YTHDC2: variants seen among roughly 807,000 people sequenced by gnomAD.
The protein encoded by YTHDC2 is YTH N6-methyladenosine RNA binding protein C2.
YTHDC2 carries 45 observed loss-of-function variants against 174.9 expected under a neutral mutation model. The observed-to-expected ratio is 0.26, with a 90% CI of 0.20 to 0.33. The LOEUF (loss-of-function observed/expected upper bound fraction) is 0.33, where lower values mean the gene tolerates loss of function less well. Ranked by LOEUF, YTHDC2 falls within the 10% of genes least tolerant of loss-of-function variation. The pLI is 1.00. For missense variants in YTHDC2, 1,650 were observed against 1,723.7 expected, an observed-to-expected ratio of 0.96 and a Z score of 0.76; for synonymous variants, 657 against 574.5, an observed-to-expected ratio of 1.14 and a Z score of -2.05.
At chr5:113,528,232 A>G (rs930369048) in intron 4 of YTHDC2, among the ~76,000 whole-genome samples, 4 of 152,184 alleles carry the variant, frequency 2.6e-5, no homozygotes, top group Non-Finnish European at 2.9e-5. Flanking sequence ...TCATTTTACT[A>G]GATATGAAAG....
At chr5:113,579,843 A>G in intron 24 of YTHDC2, 148 bp downstream of exon 24, 1 of 1,301,230 alleles carries the variant, frequency 7.7e-7, no homozygotes, top group Non-Finnish European at 9.8e-7. Flanking sequence ...GACCTCATTC[A>G]TTCTCTTCTG....
At chr5:113,515,849 G>A (rs568098492) in intron 2 of YTHDC2, among the ~76,000 whole-genome samples, 7 of 152,312 alleles carry the variant, frequency 4.6e-5, no homozygotes, top group Admixed American at 4.6e-4. Flanking sequence ...TATATGTGGG[G>A]AAACTAATGG....
chr5:113,534,558 G>A, intron 6 of YTHDC2, 151 bp downstream of exon 6: 1 of 477,692 alleles, frequency 2.1e-6, no homozygotes, highest in Non-Finnish European at 3.7e-6. Flanking sequence ...TTTTGAACAG[G>A]CTGTAATGAT....
chr5:113,538,720 C>T (rs1026536388), intron 7 of YTHDC2, among the ~76,000 whole-genome samples: 1 of 152,100 alleles, frequency 6.6e-6, no homozygotes, highest in African/African-American at 2.4e-5. Context: ...TATTTACCTT[C>T]ATATTCTGGA....
At chr5:113,545,033 G>T (rs1362934692) in intron 10 of YTHDC2, among the ~76,000 whole-genome samples, 1 of 152,014 alleles carries the variant, frequency 6.6e-6, no homozygotes, top group Non-Finnish European at 1.5e-5. Context: ...GAGATATTCT[G>T]TTTATTCATT....
chr5:113,518,728 TAA>T (rs1773659370), intron 2 of YTHDC2, among the ~76,000 whole-genome samples: 1 of 152,100 alleles, frequency 6.6e-6, no homozygotes, highest in Non-Finnish European at 1.5e-5. Context: ...GCTTTTTATA[TAA>T]GTTTTAAAAA....
At chr5:113,559,200 A>G (rs116754720) in intron 17 of YTHDC2, among the ~76,000 whole-genome samples, 1 of 152,136 alleles carries the variant, frequency 6.6e-6, no homozygotes, top group Non-Finnish European at 1.5e-5. Context: ...AGGGAAGTAT[A>G]AGGGGTCTTC....
intron 23 of YTHDC2, among the ~76,000 whole-genome samples, chr5:113,578,423 A>T (rs573916102): frequency 6.6e-6 from 1 of 152,054 alleles, no homozygotes; most frequent in African/African-American, 2.4e-5. Flanking sequence ...AAATTTGTTG[A>T]ATTTACTAAA....
intron 23 of YTHDC2, among the ~76,000 whole-genome samples, chr5:113,572,862 G>C (rs1363712725): frequency 2.0e-5 from 3 of 152,150 alleles, no homozygotes; most frequent in Admixed American, 2.0e-4. Context: ...TTGCATGTGA[G>C]ATGGGTCTTT....
Position 113,593,354 on chromosome 5 carries a change from C to T in YTHDC2, c.4264C>T (p.Pro1422Ser). Residue 1422 changes from proline (P) to serine (S), a missense_variant, in exon 29 of 30, where the codon CCC becomes TCC. This residue lies in a region of YTHDC2 where 913 missense variants were observed against 940.4 expected (regional missense o/e 0.97). Coordinates refer to ENST00000161863, the MANE Select transcript of YTHDC2 (RefSeq NM_022828.5). ...EQLLQLWERL[P>S]LGEKNTTD ...GTTGCTCCAGTTATGGGAACGTCTT[C>T]CCTTGGGAGAAAAAAACACAACTGA... The T allele has an allele frequency of 1.2e-6, 2 of 1,612,698 alleles. No homozygotes were observed. The highest frequency in any genetic ancestry group is 1.7e-6 in the Non-Finnish European group (2 of 1,179,076).
At chr5:113,547,366 C>G (rs1775949323) in intron 10 of YTHDC2, among the ~76,000 whole-genome samples, 1 of 152,136 alleles carries the variant, frequency 6.6e-6, no homozygotes, top group Non-Finnish European at 1.5e-5. Context: ...AAATACAAAG[C>G]AGAAACAACA....
rs768033177 is a variant in YTHDC2 at position 113,553,358 on chromosome 5, T to A, written c.1866T>A (p.Ala622=). The change falls in exon 13 of 30, where the codon GCT becomes GCA. Residue 622 remains alanine, a splice_region_variant and synonymous_variant. Coordinates refer to ENST00000161863, the MANE Select transcript of YTHDC2 (RefSeq NM_022828.5). ...LLYNICHSCD[A]GAVLIFLPGY... is the part of the protein sequence containing the mutation. ...ACAATATCTGCCATAGTTGTGATGCTGGTAAATACGTGTTGTCTAAAAGAA... is the reference window on the plus strand; with the variant it reads ...ACAATATCTGCCATAGTTGTGATGCAGGTAAATACGTGTTGTCTAAAAGAA... The A allele has an allele frequency of 1.3e-6, 2 of 1,595,310 alleles. No individual in the cohort carries two copies. The highest frequency in any genetic ancestry group is 2.3e-5 in the South Asian group (2 of 86,822).
Position 113,539,198 on chromosome 5 carries a change from AAG to A in YTHDC2, c.1210+19_1210+20del, listed in dbSNP as rs1418826887. On this transcript the variant is annotated intron_variant, in intron 8 of 29. Coordinates refer to ENST00000161863, the MANE Select transcript of YTHDC2 (RefSeq NM_022828.5). ...AACAGCAAGGTAAATTTTTTAATAA[AAG>A]AAATATAAAAGAAATTACTATTGAT... 2 of 1,125,028 alleles carry A rather than the reference AAG, an allele frequency of 1.8e-6. No individual in the cohort carries two copies. Among genetic ancestry groups the A allele is most frequent in the African/African-American group, 1.7e-5 (1 of 59,500 alleles). 69.7% of individuals were successfully genotyped at this position (1,125,028 alleles called of 1,614,324 possible). A position where few individuals can be genotyped will look rare whatever the true frequency, so the allele number is the denominator to read the frequency against.
intron 2 of YTHDC2, among the ~76,000 whole-genome samples, 158 bp downstream of exon 2, chr5:113,515,520 ACT>A (rs1561613625): frequency 6.6e-6 from 1 of 151,824 alleles, no homozygotes; most frequent in African/African-American, 2.4e-5. Context: ...ACCAAATTCA[ACT>A]CTTTCCTCTT....
At chr5:113,524,095 C>T (rs1774054648) in intron 2 of YTHDC2, among the ~76,000 whole-genome samples, 1 of 152,062 alleles carries the variant, frequency 6.6e-6, no homozygotes, top group Non-Finnish European at 1.5e-5. Flanking sequence ...TTGTGTTGGG[C>T]TCAGAGCCAT....
intron 6 of YTHDC2, among the ~76,000 whole-genome samples, chr5:113,535,152 C>G (rs1426407051): frequency 6.6e-6 from 1 of 152,082 alleles, no homozygotes; most frequent in Non-Finnish European, 1.5e-5. Context: ...ACTATGGATT[C>G]AAACAACTGC....
intron 7 of YTHDC2, among the ~76,000 whole-genome samples, chr5:113,538,490 C>A (rs953715294): frequency 6.6e-6 from 1 of 152,148 alleles, no homozygotes; most frequent in African/African-American, 2.4e-5. Flanking sequence ...CCTTGAAACA[C>A]CTTTAGGTCC....
intron 23 of YTHDC2, among the ~76,000 whole-genome samples, chr5:113,576,458 C>G (rs563779630): frequency 3.9e-5 from 6 of 152,162 alleles, no homozygotes; most frequent in Admixed American, 2.0e-4. Context: ...TTAATATTTT[C>G]TTCGTGATAA....
chr5:113,572,355 T>C (rs966467647), intron 23 of YTHDC2, among the ~76,000 whole-genome samples: 1 of 152,262 alleles, frequency 6.6e-6, no homozygotes, highest in Non-Finnish European at 1.5e-5. Flanking sequence ...TTACTTCTTT[T>C]ACATTTACTG....
Sources: allele counts gnomAD v4.1 joint callset (sites outside exome capture counted in the v4.1 genomes callset), GRCh38; gene constraint gnomAD v4.1.1; regional missense constraint gnomAD v4.1.1; transcripts MANE v1.5; gene names NCBI Gene and HGNC (gene_info 2026-07-23, HGNC 2026-07-21).